The following GPATCH2 variants were observed in gnomAD, a reference collection of about 807,000 sequenced individuals.
GPATCH2 encodes the protein G-patch domain containing 2.
GPATCH2 carries 51 observed loss-of-function variants against 58.0 expected under a neutral mutation model. The observed-to-expected ratio is 0.88, with a 90% confidence interval of 0.70 to 1.11. GPATCH2 has a LOEUF of 1.11. Ranked by LOEUF, GPATCH2 falls within the 50% of genes most tolerant of loss-of-function variation. The probability of loss-of-function intolerance (pLI) is 0.00; values close to 1 mark genes in which losing one functional copy is unlikely to be tolerated. For missense variants in GPATCH2, 625 were observed against 652.2 expected (o/e 0.96, Z 0.45); for synonymous variants, 222 against 218.5 (o/e 1.02, Z -0.14).
chr1:217,559,319 C>T (rs1016779112), intron 5 of GPATCH2, among the ~76,000 whole-genome samples: 19 of 151,576 alleles, frequency 1.3e-4, no homozygotes, highest in Non-Finnish European at 2.7e-4. Flanking sequence ...AAACATATCA[C>T]CCCCTGCAAA....
chr1:217,619,604 A>G (rs563608875), intron 2 of GPATCH2, among the ~76,000 whole-genome samples, 179 bp downstream of exon 2: 2 of 152,298 alleles, frequency 1.3e-5, no homozygotes, highest in South Asian at 4.1e-4. Context: ...TCAAACAAGC[A>G]ATTTTGCTTT....
At chr1:217,463,641 C>CAAAAAAAAAAAAAAAAA (rs201402598) in intron 8 of GPATCH2, among the ~76,000 whole-genome samples, 3 of 82,454 alleles carry the variant, frequency 3.6e-5, no homozygotes, top group African/African-American at 6.7e-5. Flanking sequence ...CTTATCACTC[C>CAAAAAAAAAAAAAAAAA]AAAAAAAAAA....
chr1:217,523,670 T>C (rs1398131550), intron 5 of GPATCH2, among the ~76,000 whole-genome samples: 3 of 151,726 alleles, frequency 2.0e-5, no homozygotes, highest in Admixed American at 1.3e-4. Context: ...TCATGGCCCA[T>C]TCTCAATGAG....
intron 8 of GPATCH2, among the ~76,000 whole-genome samples, chr1:217,491,345 G>A (rs995426745): frequency 6.6e-6 from 1 of 151,782 alleles, no homozygotes; most frequent in Non-Finnish European, 1.5e-5. Context: ...TCTCTCATAA[G>A]GTCTAAATGC....
At chr1:217,523,573 CT>C (rs1372803730) in intron 5 of GPATCH2, among the ~76,000 whole-genome samples, 17 of 151,702 alleles carry the variant, frequency 1.1e-4, no homozygotes, top group Non-Finnish European at 8.8e-5. Context: ...ATGTCTACCT[CT>C]TTCTACACAG....
intron 5 of GPATCH2, among the ~76,000 whole-genome samples, chr1:217,544,435 C>A (rs1664924354): frequency 1.3e-5 from 2 of 152,062 alleles, no homozygotes; most frequent in South Asian, 4.1e-4. Context: ...CTCCTGCGTC[C>A]ACTATCCTTT....
chr1:217,497,909 T>C (rs1441742111), intron 7 of GPATCH2, among the ~76,000 whole-genome samples: 1 of 152,144 alleles, frequency 6.6e-6, no homozygotes, highest in Non-Finnish European at 1.5e-5. Flanking sequence ...CAGTAAGAAA[T>C]TTAAAAAAAT....
At chr1:217,467,743 A>G (rs954902890) in intron 8 of GPATCH2, among the ~76,000 whole-genome samples, 2 of 152,124 alleles carry the variant, frequency 1.3e-5, no homozygotes, top group Non-Finnish European at 2.9e-5. Flanking sequence ...GCCTAGAAAC[A>G]CAGACATTCC....
chr1:217,480,364 T>A (rs1169518981), intron 8 of GPATCH2, among the ~76,000 whole-genome samples: 1 of 151,996 alleles, frequency 6.6e-6, no homozygotes, highest in African/African-American at 2.4e-5. Context: ...AAAGAAGACA[T>A]ACAAATGGCA....
intron 7 of GPATCH2, among the ~76,000 whole-genome samples, chr1:217,496,198 T>C (rs1035307788): frequency 2.6e-5 from 4 of 152,220 alleles, no homozygotes; most frequent in Non-Finnish European, 5.9e-5. Flanking sequence ...TACATACATG[T>C]ACAATTCATT....
chr1:217,510,426 T>A (rs1662787457), intron 6 of GPATCH2, among the ~76,000 whole-genome samples: 1 of 151,446 alleles, frequency 6.6e-6, no homozygotes, highest in South Asian at 2.1e-4. Context: ...AAATTTTACA[T>A]AGTTTATTTT....
At chr1:217,564,086 A>G (rs1326289966) in intron 5 of GPATCH2, among the ~76,000 whole-genome samples, 1 of 151,630 alleles carries the variant, frequency 6.6e-6, no homozygotes, top group Non-Finnish European at 1.5e-5. Flanking sequence ...TATGTATAAA[A>G]ACGATAATTT....
In GPATCH2 at chr1:217,619,996, C is replaced by A. The variant is rs576043237; in HGVS notation, c.560G>T (p.Gly187Val). 6.2e-7 allele frequency: 1 copy of A among 1,613,968 alleles called. No homozygotes were observed. ...NKRTMTQPPE[G>V]CRDQDMDSDR... ...ACTGTCCATGTCCTGATCTCTACAA[C>A]CCTCAGGTGGCTGGGTCATTGTCCG... Residue 187 changes from glycine (G) to valine (V), a missense_variant, in exon 2 of 10, where the codon GGT becomes GTT. Gly to Val is a moderately radical substitution (Grantham distance 109). Coordinates refer to ENST00000366935, the MANE Select transcript of GPATCH2 (RefSeq NM_018040.5).
chr1:217,507,945 A>G lies in GPATCH2; in HGVS notation c.1166+6877T>C, dbSNP rs532048888. Among the ~76,000 whole-genome samples the G allele has an allele frequency of 1.6e-3, 239 of 152,292 alleles. 1 individual carries two copies. The highest frequency in any genetic ancestry group is 5.4e-3 in the African/African-American group (225 of 41,580). ...GTAAAAATACTAAAAACAGTGGTGC[A>G]TATGAAAATTATCTGAAAAAATAAA... On this transcript the variant is annotated intron_variant, in intron 6 of 9. Coordinates refer to ENST00000366935, the MANE Select transcript of GPATCH2 (RefSeq NM_018040.5).
chr1:217,448,413 C>A (rs530184311), intron 9 of GPATCH2, among the ~76,000 whole-genome samples: 1 of 152,104 alleles, frequency 6.6e-6, no homozygotes, highest in Non-Finnish European at 1.5e-5. Flanking sequence ...TGCTGCATCA[C>A]AAATCCATTA....
intron 5 of GPATCH2, among the ~76,000 whole-genome samples, chr1:217,530,262 G>T (rs1664124265): frequency 6.6e-6 from 1 of 152,184 alleles, no homozygotes; most frequent in African/African-American, 2.4e-5. Context: ...TATGGAGCCA[G>T]ACTGCCTGGG....
intron 5 of GPATCH2, among the ~76,000 whole-genome samples, chr1:217,532,893 T>G (rs1406724459): frequency 4.4e-5 from 3 of 68,930 alleles, no homozygotes; most frequent in South Asian, 5.8e-4. Flanking sequence ...TTTGTTTTTT[T>G]TTTTTTGTTT....
At chr1:217,523,998 G>T (rs1358697806) in intron 5 of GPATCH2, among the ~76,000 whole-genome samples, 1 of 141,640 alleles carries the variant, frequency 7.1e-6, no homozygotes, top group Admixed American at 6.9e-5. Context: ...CGGGCAGAGG[G>T]GCTCCTCACT....
At chr1:217,616,805 A>T (rs574858498) in intron 2 of GPATCH2, among the ~76,000 whole-genome samples, 2 of 152,300 alleles carry the variant, frequency 1.3e-5, no homozygotes, top group East Asian at 3.9e-4. Context: ...GGATGAACAA[A>T]TATATGTACA....
Sources: allele counts gnomAD v4.1 joint callset (sites outside exome capture counted in the v4.1 genomes callset), GRCh38; gene constraint gnomAD v4.1.1; transcripts MANE v1.5; gene names NCBI Gene and HGNC (gene_info 2026-07-23, HGNC 2026-07-21).